CYTH3: variants seen among roughly 807,000 people sequenced by gnomAD.
CYTH3 encodes cytohesin-3.
CYTH3 carries 23 observed loss-of-function variants against 55.1 expected under a neutral mutation model. The observed-to-expected ratio is 0.42, with a 90% confidence interval of 0.30 to 0.59. The LOEUF (loss-of-function observed/expected upper bound fraction) is 0.59, where lower values mean the gene tolerates loss of function less well. Ranked by LOEUF, CYTH3 falls within the 20% of genes least tolerant of loss-of-function variation. The pLI is 0.20. For synonymous variants in CYTH3, 249 were observed against 194.9 expected (o/e 1.28, Z -2.31); for missense variants, 413 against 524.8 (o/e 0.79, Z 2.08).
In CYTH3 at chr7:6,257,620, TTCTTAAA is replaced by T. The variant is rs1193213938; in HGVS notation, c.34+14847_34+14853del. On this transcript the variant is annotated intron_variant, in intron 1 of 12. Coordinates refer to ENST00000350796, the MANE Select transcript of CYTH3 (RefSeq NM_004227.4). ...AAAAAGAAAATATAACCTAGCCAAG[TTCTTAAA>T]GTAATATTTATATGGTTAATGAATA... Among the ~76,000 whole-genome samples the T allele has an allele frequency of 3.9e-5, 6 of 152,330 alleles. 1 individual carries two copies. The East Asian group carries it at 1.2e-3, about 29-fold the overall frequency.
intron 1 of CYTH3, among the ~76,000 whole-genome samples, chr7:6,243,752 G>C (rs1321334208): frequency 2.0e-5 from 3 of 152,218 alleles, no homozygotes; most frequent in African/African-American, 7.2e-5. Flanking sequence ...TGTAGGGTCA[G>C]AGGTGGTATT....
intron 1 of CYTH3, among the ~76,000 whole-genome samples, chr7:6,222,742 G>A (rs781556081): frequency 6.8e-5 from 9 of 132,104 alleles, no homozygotes; most frequent in African/African-American, 1.4e-4. Flanking sequence ...GTGAGACTCC[G>A]TTTCAAAAAA....
chr7:6,165,260 A>G lies in CYTH3; in HGVS notation c.1127+13T>C. ...GAAGACGGGCCTGGCCCCGCCCCCG[A>G]GGCCCCACTCACTTGATGGATTTCA... On this transcript the variant is annotated intron_variant, in intron 12 of 12. Transcript: ENST00000350796. The G allele has an allele frequency of 3.1e-6, 5 of 1,603,596 alleles. No homozygotes were observed. Among genetic ancestry groups the G allele is most frequent in the Non-Finnish European group, 4.3e-6 (5 of 1,174,582 alleles).
chr7:6,170,898 C>T lies in CYTH3; in HGVS notation c.643G>A (p.Ala215Thr), dbSNP rs150471410. 7.4e-6 allele frequency: 12 copies of T among 1,613,768 alleles called. No individual in the cohort carries two copies. In the African/African-American group the frequency reaches 1.5e-4, roughly 20 times the overall value. The change falls in exon 8 of 13, where the codon GCA becomes ACA. Residue 215 changes from alanine (A) to threonine (T), a missense_variant. Coordinates refer to ENST00000350796, the MANE Select transcript of CYTH3 (RefSeq NM_004227.4). This position sits in a 1 kb window ranked among gnomAD's most constrained non-coding sequence, Gnocchi z 7.8. ...CGGTTCATGGCGATGAACCGTTCTGCCGTGGGCTTGTCACGCACGTTGTGG... is the reference window on the plus strand; with the variant it reads ...CGGTTCATGGCGATGAACCGTTCTGTCGTGGGCTTGTCACGCACGTTGTGG... ...HNHNVRDKPTAERFIAMNRGI... is the reference protein window; with the variant it reads ...HNHNVRDKPTTERFIAMNRGI...
At chr7:6,221,867 A>C (rs6957772) in intron 1 of CYTH3, among the ~76,000 whole-genome samples, 1 of 152,178 alleles carries the variant, frequency 6.6e-6, no homozygotes, top group African/African-American at 2.4e-5. Flanking sequence ...TGGGAGGATC[A>C]TTTGAAGCCT....
intron 1 of CYTH3, among the ~76,000 whole-genome samples, chr7:6,215,210 C>A (rs972143375): frequency 1.3e-5 from 2 of 152,158 alleles, no homozygotes; most frequent in African/African-American, 4.8e-5. Context: ...GATTATTCCC[C>A]CTGCTCTAGT....
intron 1 of CYTH3, among the ~76,000 whole-genome samples, chr7:6,208,024 G>C (rs919605019): frequency 2.6e-5 from 4 of 152,112 alleles, no homozygotes; most frequent in Admixed American, 2.6e-4. Flanking sequence ...TGATACTTTT[G>C]AGCACTACTG....
chr7:6,259,784 A>ATATATATTAT lies in CYTH3; in HGVS notation c.34+12689_34+12690insATAATATATA, dbSNP rs1491413119. On this transcript the variant is annotated intron_variant, in intron 1 of 12. Transcript: ENST00000350796. Reference sequence around the variant, plus strand: ...ATATATATATATATTATATATATATAATATATATATATATATATATATATA... The same window carrying ATATATATTAT: ...ATATATATATATATTATATATATATATATATATTATATATATATATATATATATATATATA... Among the ~76,000 whole-genome samples the ATATATATTAT allele has an allele frequency of 1.4e-4, 3 of 20,948 alleles. No individual in the cohort carries two copies. In the African/African-American group the frequency reaches 1.5e-3, roughly 10 times the overall value. 13.7% of individuals were successfully genotyped at this position (20,948 alleles called of 152,430 possible). A position where few individuals can be genotyped will look rare whatever the true frequency, so the allele number is the denominator to read the frequency against.
At chr7:6,238,753 G>C (rs1011244550) in intron 1 of CYTH3, among the ~76,000 whole-genome samples, 7 of 152,150 alleles carry the variant, frequency 4.6e-5, no homozygotes, top group African/African-American at 1.4e-4. Context: ...CTGTGGTGAA[G>C]GGTGTCGACA....
chr7:6,215,617 G>C (rs1173432603), intron 1 of CYTH3, among the ~76,000 whole-genome samples: 1 of 148,656 alleles, frequency 6.7e-6, no homozygotes, highest in Non-Finnish European at 1.5e-5. Context: ...AGACAAATAA[G>C]GACAAAAAGG....
chr7:6,193,655 C>T (rs1380330098), intron 1 of CYTH3, among the ~76,000 whole-genome samples: 1 of 152,122 alleles, frequency 6.6e-6, no homozygotes, highest in Non-Finnish European at 1.5e-5. Flanking sequence ...CTGGAGGGGG[C>T]TGTGAAGGAG....
intron 1 of CYTH3, among the ~76,000 whole-genome samples, chr7:6,265,702 G>T (rs1435485980): frequency 6.6e-6 from 1 of 151,892 alleles, no homozygotes; most frequent in Non-Finnish European, 1.5e-5. Flanking sequence ...GGTGGTCTGA[G>T]AATAGGATTC....
chr7:6,251,862 A>C (rs900539302), intron 1 of CYTH3, among the ~76,000 whole-genome samples: 13 of 152,208 alleles, frequency 8.5e-5, no homozygotes, highest in African/African-American at 3.1e-4. Context: ...AATAGTCCCC[A>C]AACAGGACGT....
At chr7:6,208,958 G>A (rs1262136109) in intron 1 of CYTH3, among the ~76,000 whole-genome samples, 1 of 152,200 alleles carries the variant, frequency 6.6e-6, no homozygotes, top group Non-Finnish European at 1.5e-5. Context: ...GAACCTCTGG[G>A]TATGAAGCCC....
intron 1 of CYTH3, among the ~76,000 whole-genome samples, chr7:6,225,768 C>T (rs1402240332): frequency 6.6e-6 from 1 of 152,096 alleles, no homozygotes; most frequent in African/African-American, 2.4e-5. Context: ...CAACCTCCGC[C>T]TCCTGGGTTC....
chr7:6,179,647 CCACACCCCA>C (rs1783430848), intron 4 of CYTH3, among the ~76,000 whole-genome samples: 2 of 103,886 alleles, frequency 1.9e-5, no homozygotes, highest in Non-Finnish European at 2.0e-5. Context: ...CTCACACACC[CCACACCCCA>C]CACACACCCC....
At chr7:6,180,943 C>T (rs368975032) in intron 4 of CYTH3, among the ~76,000 whole-genome samples, 1 of 152,192 alleles carries the variant, frequency 6.6e-6, no homozygotes, top group Non-Finnish European at 1.5e-5. Context: ...TTAGTTAGCA[C>T]TTACTCCTGA....
At chr7:6,235,214 G>A (rs573951852) in intron 1 of CYTH3, among the ~76,000 whole-genome samples, 11 of 152,290 alleles carry the variant, frequency 7.2e-5, no homozygotes, top group East Asian at 1.9e-4. Context: ...AGTGGCTCAC[G>A]CCTGTAATCT....
chr7:6,229,840 A>C (rs1779344957), intron 1 of CYTH3, among the ~76,000 whole-genome samples: 1 of 149,504 alleles, frequency 6.7e-6, no homozygotes, highest in East Asian at 2.0e-4. Context: ...AAAAAAATGG[A>C]ATTATCTATC....
Sources: gnomAD v4.1 joint callset for allele counts (sites outside exome capture counted in the v4.1 genomes callset) on GRCh38, gnomAD v4.1.1 for gene constraint, Gnocchi (gnomAD v3.1) non-coding constraint, MANE v1.5 for transcripts, NCBI Gene and HGNC (gene_info 2026-07-23, HGNC 2026-07-21) for gene names.